Variants in KCNQ1 observed in about 807,000 individuals in gnomAD.
KCNQ1 encodes the protein potassium voltage-gated channel subfamily Q member 1, also known as potassium voltage-gated channel subfamily KQT member 1.
In KCNQ1, 49 loss-of-function variants were observed where a neutral mutation model predicts 72.4. The ratio of observed to expected loss-of-function variants is 0.68; its 90% confidence interval spans 0.54 to 0.86. The LOEUF is 0.86. Among genes scored for constraint, KCNQ1 ranks in the 40% least tolerant of loss-of-function variants. The pLI, the probability that KCNQ1 is intolerant of heterozygous loss-of-function variation, is 0.00. For missense variants in KCNQ1, 790 were observed against 945.1 expected (o/e 0.84, Z 2.15); for synonymous variants, 450 against 412.6 (o/e 1.09, Z -1.10).
At chr11:2,823,281 CAA>C (rs1350312229) in intron 15 of KCNQ1, among the ~76,000 whole-genome samples, 2 of 152,118 alleles carry the variant, frequency 1.3e-5, no homozygotes, top group African/African-American at 2.4e-5. Flanking sequence ...GAGATGCCTT[CAA>C]AATTGTGAAG....
intron 11 of KCNQ1, among the ~76,000 whole-genome samples, chr11:2,744,065 C>A (rs1846099696): frequency 1.3e-5 from 2 of 152,224 alleles, no homozygotes; most frequent in Admixed American, 6.5e-5. Context: ...CATCATCAGC[C>A]CATTGCCGGT....
At chr11:2,804,834 C>T (rs924084451) in intron 15 of KCNQ1, among the ~76,000 whole-genome samples, 5 of 152,144 alleles carry the variant, frequency 3.3e-5, no homozygotes, top group Non-Finnish European at 7.3e-5. Context: ...GCTGTTCATC[C>T]CATTTTGTGT....
At chr11:2,728,597 G>A (rs995920615) in intron 11 of KCNQ1, among the ~76,000 whole-genome samples, 18 of 152,338 alleles carry the variant, frequency 1.2e-4, no homozygotes, top group East Asian at 7.7e-4. Flanking sequence ...CCTTGGGAGC[G>A]TGAGGGCACG....
At chr11:2,719,327 C>G (rs1851163062) in intron 11 of KCNQ1, among the ~76,000 whole-genome samples, 1 of 92,360 alleles carries the variant, frequency 1.1e-5, no homozygotes, top group Admixed American at 1.0e-4. Context: ...GACTCTGTCT[C>G]TACCAAAAAA....
chr11:2,539,988 G>T (rs1847797241), intron 2 of KCNQ1, among the ~76,000 whole-genome samples: 1 of 152,224 alleles, frequency 6.6e-6, no homozygotes, highest in Admixed American at 6.5e-5. Flanking sequence ...AACGGGACGG[G>T]CTGAGCAGGC....
Position 2,515,309 on chromosome 11 carries a change from G to A in KCNQ1, c.387-12619G>A, listed in dbSNP as rs1393424247. ...TTTCTGTTTCCGGTAGTTCACTTAG[G>A]ATCATGGTCTCCAGATCCATCCGTG... On this transcript the variant is annotated intron_variant, in intron 1 of 15. Coordinates refer to ENST00000155840, the MANE Select transcript of KCNQ1 (RefSeq NM_000218.3). This position sits in a 1 kb window ranked among gnomAD's most constrained non-coding sequence, Gnocchi z 4.7. Among the ~76,000 whole-genome samples, 1 of 152,186 alleles carries A rather than the reference G, an allele frequency of 6.6e-6. No individual in the cohort carries two copies.
At position 2,544,286 on chromosome 11, in the gene KCNQ1, A is replaced by ATATATACG. The variant is rs1847870177; in HGVS notation, c.477+16274_477+16275insCGTATATA. Reference sequence around the variant, plus strand: ...TGTGTGTGTGTATATATATGTGTATATATATATGTATATATGTGTATATAT... The same window carrying ATATATACG: ...TGTGTGTGTGTATATATATGTGTATATATATACGTATATATGTATATATGTGTATATAT... On this transcript the variant is annotated intron_variant, in intron 2 of 15. Transcript: ENST00000155840. This position sits in a 1 kb window ranked among gnomAD's most constrained non-coding sequence, Gnocchi z 4.4. Among the ~76,000 whole-genome samples the ATATATACG allele has an allele frequency of 3.4e-4, 47 of 139,138 alleles. No individual in the cohort carries two copies. Among genetic ancestry groups the ATATATACG allele is most frequent in the African/African-American group, 1.2e-3 (42 of 35,176 alleles). 91.3% of individuals were successfully genotyped at this position (139,138 alleles called of 152,430 possible).
At chr11:2,841,647 T>C (rs1038320166) in intron 15 of KCNQ1, among the ~76,000 whole-genome samples, 8 of 152,184 alleles carry the variant, frequency 5.3e-5, no homozygotes, top group Admixed American at 1.3e-4. Flanking sequence ...CCTGCAGGCC[T>C]TGGAGCCCCT....
At position 2,595,531 on chromosome 11, in the gene KCNQ1, T is replaced by C. The variant is rs1438803105; in HGVS notation, c.1393+6677T>C. Among the ~76,000 whole-genome samples the C allele has an allele frequency of 6.6e-6, 1 of 152,200 alleles. No individual in the cohort carries two copies. The highest frequency in any genetic ancestry group is 1.5e-5 in the Non-Finnish European group (1 of 68,034). On this transcript the variant is annotated intron_variant, in intron 10 of 15. Coordinates refer to ENST00000155840, the MANE Select transcript of KCNQ1 (RefSeq NM_000218.3). The surrounding 1 kb of genome is among the most constrained non-coding windows in gnomAD (Gnocchi z 5.0). ...CTAAATCTACTCTGCTTATGCTCTA[T>C]AATGAAGCAACAAAGCCCGATGACA...
intron 11 of KCNQ1, chr11:2,699,964 G>A (rs1297149523): frequency 3.8e-5 from 15 of 398,248 alleles, no homozygotes; most frequent in Non-Finnish European, 6.2e-5. Flanking sequence ...CTCCCTGGAG[G>A]TCCGTGCTGA....
Position 2,494,256 on chromosome 11 carries a change from A to G in KCNQ1, c.387-33672A>G, listed in dbSNP as rs549094666. ...CTTAAGGAGTTTTTGGGCTGAGACA[A>G]TGGGGTTTTCTAAATATACAATCAT... On this transcript the variant is annotated intron_variant, in intron 1 of 15. Coordinates refer to ENST00000155840, the MANE Select transcript of KCNQ1 (RefSeq NM_000218.3). The surrounding 1 kb of genome is among the most constrained non-coding windows in gnomAD (Gnocchi z 4.6). 6.6e-6 allele frequency among the ~76,000 whole-genome samples: 1 copy of G among 152,190 alleles called. No homozygotes were observed. The highest frequency in any genetic ancestry group is 1.5e-5 in the Non-Finnish European group (1 of 68,028).
chr11:2,634,058 C>G (rs749494175), intron 10 of KCNQ1: 9 of 397,324 alleles, frequency 2.3e-5, no homozygotes, highest in Non-Finnish European at 4.0e-5. Context: ...TATTGTTTGT[C>G]CTATTTGTGG....
At position 2,593,723 on chromosome 11, in the gene KCNQ1, C is replaced by G. The variant is rs1019721236; in HGVS notation, c.1393+4869C>G. On this transcript the variant is annotated intron_variant, in intron 10 of 15. Transcript: ENST00000155840. This position sits in a 1 kb window ranked among gnomAD's most constrained non-coding sequence, Gnocchi z 6.9. ...ACCTCTCACTTCTGCACTTGTGAGC[C>G]TGGTTCTCACAGGGTCAGGCTGTAG... is the stretch of plus-strand genomic sequence containing the variant. Among the ~76,000 whole-genome samples the G allele has an allele frequency of 1.3e-5, 2 of 152,182 alleles. No homozygotes were observed. The highest frequency in any genetic ancestry group is 2.4e-5 in the African/African-American group (1 of 41,450).
At position 2,629,271 on chromosome 11, in the gene KCNQ1, A is replaced by G. The variant is rs76281558; in HGVS notation, c.1394-32690A>G. On this transcript the variant is annotated intron_variant, in intron 10 of 15. Transcript: ENST00000155840. Reference sequence around the variant, plus strand: ...TTTGTATCATCTTAGAATTTGTTCAATGTTTCATAGTTTTCAGTGTCTAGG... The same window carrying G: ...TTTGTATCATCTTAGAATTTGTTCAGTGTTTCATAGTTTTCAGTGTCTAGG... 213 of 398,352 alleles carry G rather than the reference A, an allele frequency of 5.3e-4. 1 individual carries two copies. The East Asian group carries it at 7.2e-3, about 14-fold the overall frequency. 24.7% of individuals were successfully genotyped at this position (398,352 alleles called of 1,614,324 possible). A position where few individuals can be genotyped will look rare whatever the true frequency, so the allele number is the denominator to read the frequency against.
At chr11:2,594,951 G>A (rs1337646095) in intron 10 of KCNQ1, among the ~76,000 whole-genome samples, 1 of 152,156 alleles carries the variant, frequency 6.6e-6, no homozygotes, top group Non-Finnish European at 1.5e-5. Flanking sequence ...AGTTTGTGTG[G>A]TGGATGTTTT....
intron 11 of KCNQ1, among the ~76,000 whole-genome samples, chr11:2,765,058 C>T (rs1198779014): frequency 6.6e-6 from 1 of 152,166 alleles, no homozygotes; most frequent in Non-Finnish European, 1.5e-5. Flanking sequence ...TGGTAATTTG[C>T]CATTTTTTTA....
In KCNQ1 at chr11:2,663,119, T is replaced by C. The variant is rs376263510; in HGVS notation, c.1514+1038T>C. On this transcript the variant is annotated intron_variant, in intron 11 of 15. Transcript: ENST00000155840. The surrounding 1 kb of genome is among the most constrained non-coding windows in gnomAD (Gnocchi z 5.2). ...GGGAAGGAGTGGCTATCTTAAGGGG[T>C]AATTATGATCAGACAGGACCTGCCC... The C allele has an allele frequency of 3.0e-3, 1,210 of 398,164 alleles. 10 individuals carry two copies. The highest frequency in any genetic ancestry group is 0.021 in the African/African-American group (1,028 of 48,546). The allele number at this position is 398,164 out of a possible 1,614,324, so 24.7% of individuals were successfully genotyped here.
chr11:2,649,355 C>T (rs1849722762), intron 10 of KCNQ1: 3 of 398,146 alleles, frequency 7.5e-6, no homozygotes, highest in Middle Eastern at 6.2e-4. Flanking sequence ...TTTCCTTTCT[C>T]ATTTGTGTAT....
chr11:2,695,550 A>G lies in KCNQ1; in HGVS notation c.1514+33469A>G, dbSNP rs1013751245. The G allele has an allele frequency of 3.8e-5, 15 of 398,492 alleles. No individual in the cohort carries two copies. Among genetic ancestry groups the G allele is most frequent in the Admixed American group, 1.3e-4 (3 of 22,704 alleles). 24.7% of individuals were successfully genotyped at this position (398,492 alleles called of 1,614,324 possible). ...CTCCAACTGCCCACCCCTATGGGCC[A>G]TGCTGCCCTGAGCATGCACACACAC... On this transcript the variant is annotated intron_variant, in intron 11 of 15. Coordinates refer to ENST00000155840, the MANE Select transcript of KCNQ1 (RefSeq NM_000218.3). The surrounding 1 kb of genome is among the most constrained non-coding windows in gnomAD (Gnocchi z 5.2).
Sources: gnomAD v4.1 joint callset for allele counts (sites outside exome capture counted in the v4.1 genomes callset) on GRCh38, gnomAD v4.1.1 for gene constraint, Gnocchi (gnomAD v3.1) non-coding constraint, MANE v1.5 for transcripts, NCBI Gene and HGNC (gene_info 2026-07-23, HGNC 2026-07-21) for gene names.